The following CSMD1 variants were observed in gnomAD, a reference collection of about 807,000 sequenced individuals.
The protein encoded by CSMD1 is CUB and sushi domain-containing protein 1.
In CSMD1, 213 loss-of-function variants were observed where a neutral mutation model predicts 417.5. That is an observed-to-expected ratio of 0.51 (90% CI 0.46 to 0.57). The LOEUF (loss-of-function observed/expected upper bound fraction) is 0.57. Ranked by LOEUF, CSMD1 falls within the 20% of genes least tolerant of loss-of-function variation. The pLI, the probability that CSMD1 is intolerant of heterozygous loss-of-function variation, is 0.00. For synonymous variants in CSMD1, 2,862 were observed against 1,736.8 expected (o/e 1.65, Z -16.11); for missense variants, 6,923 against 4,529.7 (o/e 1.53, Z -15.17).
At chr8:3,543,423 T>A (rs1798526829) in intron 10 of CSMD1, among the ~76,000 whole-genome samples, 1 of 152,140 alleles carries the variant, frequency 6.6e-6, no homozygotes, top group Admixed American at 6.5e-5. Flanking sequence ...CAGGGGCAAG[T>A]GCAGAAGGGC....
At chr8:3,894,787 G>A (rs1016797195) in intron 5 of CSMD1, among the ~76,000 whole-genome samples, 3 of 152,272 alleles carry the variant, frequency 2.0e-5, no homozygotes, top group African/African-American at 7.2e-5. Context: ...AGTGCATAGG[G>A]CTGTTAAATA....
intron 5 of CSMD1, among the ~76,000 whole-genome samples, chr8:3,922,347 TA>T (rs924353540): frequency 5.7e-4 from 86 of 151,310 alleles, no homozygotes; most frequent in African/African-American, 1.3e-3. Context: ...GTCTTTGGAT[TA>T]AAAAAAAATT....
intron 3 of CSMD1, among the ~76,000 whole-genome samples, chr8:4,363,482 T>G (rs1220299685): frequency 6.6e-6 from 1 of 152,084 alleles, no homozygotes; most frequent in Non-Finnish European, 1.5e-5. Context: ...ACCCCCTCTC[T>G]GGAGGAGGAA....
intron 3 of CSMD1, among the ~76,000 whole-genome samples, chr8:4,239,081 C>G (rs1338608903): frequency 6.6e-6 from 1 of 152,124 alleles, no homozygotes. Flanking sequence ...AATGTTTAAA[C>G]TTATGTCACA....
At chr8:4,148,711 G>T (rs10100901) in intron 3 of CSMD1, among the ~76,000 whole-genome samples, 1 of 151,748 alleles carries the variant, frequency 6.6e-6, no homozygotes, top group Non-Finnish European at 1.5e-5. Context: ...CCCACAGCGA[G>T]GGCTCCACTC....
At chr8:4,451,966 A>G (rs978033230) in intron 2 of CSMD1, among the ~76,000 whole-genome samples, 11 of 148,858 alleles carry the variant, frequency 7.4e-5, no homozygotes, top group African/African-American at 2.4e-4. Context: ...ATAAATATAT[A>G]TAATTTGATA....
intron 8 of CSMD1, among the ~76,000 whole-genome samples, chr8:3,615,437 C>T (rs866475988): frequency 6.6e-6 from 1 of 152,196 alleles, no homozygotes; most frequent in African/African-American, 2.4e-5. Context: ...GAAATTTCAT[C>T]TCAAGCTCTG....
chr8:4,224,246 A>C (rs114951916), intron 3 of CSMD1, among the ~76,000 whole-genome samples: 4 of 127,966 alleles, frequency 3.1e-5, no homozygotes, highest in Non-Finnish European at 6.8e-5. Context: ...AAAAAAAAAT[A>C]ATTTGAAAAT....
chr8:3,133,352 G>C (rs1817898641), intron 41 of CSMD1, among the ~76,000 whole-genome samples: 1 of 152,216 alleles, frequency 6.6e-6, no homozygotes, highest in African/African-American at 2.4e-5. Context: ...GCTGACCTGA[G>C]GATCCCTCAG....
At chr8:3,805,099 T>C (rs1255595692) in intron 5 of CSMD1, among the ~76,000 whole-genome samples, 1 of 152,134 alleles carries the variant, frequency 6.6e-6, no homozygotes, top group Non-Finnish European at 1.5e-5. Flanking sequence ...GGAACCCCAC[T>C]GTTATGAATG....
intron 3 of CSMD1, among the ~76,000 whole-genome samples, chr8:4,244,026 C>T (rs1050290439): frequency 6.6e-6 from 1 of 152,186 alleles, no homozygotes; most frequent in Admixed American, 6.5e-5. Flanking sequence ...GCATTTTAAC[C>T]TGGCTGCAGG....
At chr8:4,671,685 T>G (rs1449069422) in intron 1 of CSMD1, among the ~76,000 whole-genome samples, 2 of 152,176 alleles carry the variant, frequency 1.3e-5, no homozygotes, top group Admixed American at 1.3e-4. Flanking sequence ...TTTATAGATT[T>G]ATTTTTTCTT....
chr8:3,645,678 G>C (rs1014111853), intron 7 of CSMD1, among the ~76,000 whole-genome samples: 1 of 152,130 alleles, frequency 6.6e-6, no homozygotes, highest in Non-Finnish European at 1.5e-5. Context: ...CAGAGACTAC[G>C]GCATTGCCTT....
At chr8:4,126,088 G>T (rs190203763) in intron 3 of CSMD1, among the ~76,000 whole-genome samples, 1 of 151,520 alleles carries the variant, frequency 6.6e-6, no homozygotes, top group African/African-American at 2.4e-5. Context: ...AGAAACAGAA[G>T]ACAGCAAGAA....
chr8:4,384,279 G>C (rs963611024), intron 3 of CSMD1, among the ~76,000 whole-genome samples: 1 of 151,968 alleles, frequency 6.6e-6, no homozygotes, highest in Non-Finnish European at 1.5e-5. Flanking sequence ...ACATGGTAAA[G>C]CCTTAGCCAA....
intron 4 of CSMD1, among the ~76,000 whole-genome samples, chr8:4,018,110 A>C (rs1796611194): frequency 6.6e-6 from 1 of 152,242 alleles, no homozygotes; most frequent in Non-Finnish European, 1.5e-5. Context: ...TATGGCATAA[A>C]GTATCCTACA....
chr8:4,716,584 A>G (rs1310836430), intron 1 of CSMD1, among the ~76,000 whole-genome samples: 2 of 152,228 alleles, frequency 1.3e-5, no homozygotes, highest in African/African-American at 2.4e-5. Flanking sequence ...AATTTACTAT[A>G]TTCTTATAGA....
chr8:3,143,474 G>C (rs754452465), intron 40 of CSMD1, among the ~76,000 whole-genome samples: 28 of 152,102 alleles, frequency 1.8e-4, no homozygotes, highest in Non-Finnish European at 2.9e-5. Flanking sequence ...AATAAACTAT[G>C]GCTGATAATT....
At chr8:3,754,067 A>G in intron 5 of CSMD1, 25 bp from the exon 6 acceptor site, 1 of 1,524,726 alleles carries the variant, frequency 6.6e-7, no homozygotes, top group Non-Finnish European at 9.1e-7. Context: ...GAGGAAAAAA[A>G]TCTCCCTTGT....
Sources: gnomAD v4.1 joint callset for allele counts (sites outside exome capture counted in the v4.1 genomes callset) on GRCh38, gnomAD v4.1.1 for gene constraint, MANE v1.5 for transcripts, NCBI Gene and HGNC (gene_info 2026-07-23, HGNC 2026-07-21) for gene names.